The following ATP6V0A1 variants were observed in gnomAD, a reference collection of about 807,000 sequenced individuals.
ATP6V0A1 encodes the protein ATPase H+ transporting V0 subunit a1.
A neutral mutation model predicts 105.4 loss-of-function variants in ATP6V0A1; 43 were observed. The ratio of observed to expected loss-of-function variants is 0.41; its 90% CI spans 0.32 to 0.53. The LOEUF is 0.53. Among genes scored for constraint, ATP6V0A1 ranks in the 20% least tolerant of loss-of-function variants. The pLI is 0.30. For missense variants in ATP6V0A1, 676 were observed against 1,051.1 expected (o/e 0.64, Z 4.93); for synonymous variants, 362 against 372.8 (o/e 0.97, Z 0.33).
At chr17:42,514,150 C>T (rs2092492340) in intron 20 of ATP6V0A1, 139 bp from the exon 21 acceptor site, 1 of 1,304,180 alleles carries the variant, frequency 7.7e-7, no homozygotes, top group Non-Finnish European at 1.1e-6. Context: ...GCCAGGTTAG[C>T]TCTGCATGGT....
rs28590430 is a variant in ATP6V0A1 at position 42,479,927 on chromosome 17, G to A, written c.634-740G>A. Among the ~76,000 whole-genome samples the A allele has an allele frequency of 9.2e-3, 1,407 of 152,272 alleles. 30 individuals carry two copies. Among genetic ancestry groups the A allele is most frequent in the African/African-American group, 0.032 (1,334 of 41,548 alleles). On this transcript the variant is annotated intron_variant, in intron 7 of 21. Transcript: ENST00000343619. ...AACAGAGCAGGCTGCACAAAGAATG[G>A]GTTCTAGTTTAGCCTACAGAATTTA... is the stretch of plus-strand genomic sequence containing the variant.
chr17:42,508,611 C>T (rs759822221), intron 19 of ATP6V0A1, 22 bp downstream of exon 19: 1 of 1,613,930 alleles, frequency 6.2e-7, no homozygotes, highest in Non-Finnish European at 8.5e-7. Context: ...GCTGGCGTTG[C>T]CTTCGTGTTT....
At chr17:42,476,874 T>G in intron 5 of ATP6V0A1, among the ~76,000 whole-genome samples, 1 of 152,240 alleles carries the variant, frequency 6.6e-6, no homozygotes, top group Non-Finnish European at 1.5e-5. Context: ...AAAGCCTATG[T>G]GAACTTATTT....
At position 42,487,322 on chromosome 17, in the gene ATP6V0A1, T is replaced by G; in HGVS notation, c.978T>G (p.Pro326=). Residue 326 remains proline (P), a synonymous_variant, in exon 10 of 22, where the codon CCT becomes CCG. Coordinates refer to ENST00000343619, the MANE Select transcript of ATP6V0A1 (RefSeq NM_001130021.3). ...QKCLIAEVWC[P]VTDLDSIQFA... ...GCTTGATTGCAGAGGTCTGGTGCCC[T>G]GTCACCGACCTTGACTCCATCCAGT... The G allele has an allele frequency of 6.2e-7, 1 of 1,614,156 alleles. No individual in the cohort carries two copies.
At chr17:42,501,368 C>T in intron 17 of ATP6V0A1, 64 bp downstream of exon 17, 1 of 1,155,120 alleles carries the variant, frequency 8.7e-7, no homozygotes, top group South Asian at 1.3e-5. Flanking sequence ...AAGGCAATTC[C>T]CCAGTGGATA....
At chr17:42,502,515 CAG>C (rs1004108295) in intron 17 of ATP6V0A1, among the ~76,000 whole-genome samples, 43 of 152,196 alleles carry the variant, frequency 2.8e-4, no homozygotes, top group African/African-American at 9.4e-4. Context: ...CACACACACA[CAG>C]AGTTAAATTT....
At chr17:42,464,294 T>A (rs1047618246) in intron 2 of ATP6V0A1, among the ~76,000 whole-genome samples, 2 of 152,232 alleles carry the variant, frequency 1.3e-5, no homozygotes, top group African/African-American at 4.8e-5. Flanking sequence ...TTATTATTAA[T>A]CTTAATTGCT....
At chr17:42,499,772 A>G (rs2091513043) in intron 15 of ATP6V0A1, among the ~76,000 whole-genome samples, 1 of 151,692 alleles carries the variant, frequency 6.6e-6, no homozygotes, top group Non-Finnish European at 1.5e-5. Flanking sequence ...GGGGTGACAG[A>G]GCAAGACTCC....
At chr17:42,474,793 A>G (rs1213173102) in intron 5 of ATP6V0A1, among the ~76,000 whole-genome samples, 1 of 152,256 alleles carries the variant, frequency 6.6e-6, no homozygotes, top group Non-Finnish European at 1.5e-5. Context: ...AAATGGCTAA[A>G]TCAGAAAATG....
chr17:42,490,954 G>A (rs2090566171), intron 11 of ATP6V0A1, among the ~76,000 whole-genome samples: 3 of 152,120 alleles, frequency 2.0e-5, no homozygotes, highest in Admixed American at 2.0e-4. Context: ...CAACCTCGTG[G>A]GCTCAAGTGA....
chr17:42,470,515 ATAAGG>A (rs1209961632), intron 5 of ATP6V0A1: 2 of 266,240 alleles, frequency 7.5e-6, no homozygotes, highest in African/African-American at 4.5e-5. Context: ...ATTTATACTT[ATAAGG>A]TAAGTATATG....
At chr17:42,459,099 C>T (rs2086080612) in intron 1 of ATP6V0A1, 136 bp downstream of exon 1, 1 of 152,224 alleles carries the variant, frequency 6.6e-6, no homozygotes. Context: ...GGGTTCGCCC[C>T]CTCCTTGGGC....
intron 21 of ATP6V0A1, among the ~76,000 whole-genome samples, chr17:42,515,308 T>G (rs542371221): frequency 7.0e-6 from 1 of 142,096 alleles, no homozygotes; most frequent in Admixed American, 7.0e-5. Flanking sequence ...CTCTACTAAA[T>G]ATACAAAAAT....
intron 3 of ATP6V0A1, among the ~76,000 whole-genome samples, chr17:42,467,218 C>T (rs752283758): frequency 6.6e-6 from 1 of 151,762 alleles, no homozygotes; most frequent in Non-Finnish European, 1.5e-5. Context: ...ATATACATTA[C>T]TTTATTCATT....
chr17:42,514,880 C>T (rs957195800), intron 21 of ATP6V0A1, among the ~76,000 whole-genome samples: 2 of 152,142 alleles, frequency 1.3e-5, no homozygotes, highest in African/African-American at 2.4e-5. Flanking sequence ...CGCTGCACCC[C>T]AGCTTTATCC....
intron 2 of ATP6V0A1, among the ~76,000 whole-genome samples, chr17:42,464,530 G>A (rs2086807141): frequency 6.6e-6 from 1 of 151,946 alleles, no homozygotes; most frequent in African/African-American, 2.4e-5. Context: ...AGCCTTCCAA[G>A]TAGCTGGGAT....
chr17:42,462,363 A>AC (rs1392703348), intron 2 of ATP6V0A1, among the ~76,000 whole-genome samples: 4 of 151,992 alleles, frequency 2.6e-5, no homozygotes, highest in Admixed American at 1.3e-4. Flanking sequence ...CCCAGAGGTA[A>AC]CCCGTACAGT....
At position 42,521,430 on chromosome 17, in the gene ATP6V0A1, A is replaced by G. The variant is rs1349138935; in HGVS notation, c.*310A>G. On this transcript the variant is annotated 3_prime_UTR_variant, in exon 22 of 22. Coordinates refer to ENST00000343619, the MANE Select transcript of ATP6V0A1 (RefSeq NM_001130021.3). This position sits in a 1 kb window ranked among gnomAD's most constrained non-coding sequence, Gnocchi z 4.8. ...CAGTCTGCATTCCCACGCCATCCCA[A>G]AGCCCTTTCATCTTCCCCGTGCATT... The G allele has an allele frequency of 4.6e-6, 1 of 219,490 alleles. No homozygotes were observed. Among genetic ancestry groups the G allele is most frequent in the Non-Finnish European group, 9.0e-6 (1 of 111,424 alleles). The allele number at this position is 219,490 out of a possible 1,614,324, so 13.6% of individuals were successfully genotyped here. A position where few individuals can be genotyped will look rare whatever the true frequency, so the allele number is the denominator to read the frequency against.
intron 21 of ATP6V0A1, among the ~76,000 whole-genome samples, chr17:42,515,746 C>G (rs908724190): frequency 4.6e-5 from 7 of 152,304 alleles, no homozygotes; most frequent in Non-Finnish European, 1.5e-5. Flanking sequence ...CAAGATCGCG[C>G]CATTGTACTC....
Sources: gnomAD v4.1 joint callset for allele counts (sites outside exome capture counted in the v4.1 genomes callset) on GRCh38, gnomAD v4.1.1 for gene constraint, Gnocchi (gnomAD v3.1) non-coding constraint, MANE v1.5 for transcripts, NCBI Gene and HGNC (gene_info 2026-07-23, HGNC 2026-07-21) for gene names.